The following CLNK variants were observed in gnomAD, a reference collection of about 807,000 sequenced individuals.
The protein encoded by CLNK is cytokine-dependent hematopoietic cell linker.
Under a neutral mutation model 68.6 loss-of-function variants are expected in CLNK, and 74 were observed. The ratio of observed to expected loss-of-function variants is 1.08; its 90% CI spans 0.89 to 1.31. The LOEUF (loss-of-function observed/expected upper bound fraction) is 1.31, where lower values mean the gene tolerates loss of function less well. Ranked by LOEUF, CLNK falls within the 50% of genes most tolerant of loss-of-function variation. CLNK has a pLI of 0.00. For missense variants in CLNK, 553 were observed against 515.3 expected (o/e 1.07, Z -0.71); for synonymous variants, 198 against 172.2 (o/e 1.15, Z -1.17).
At chr4:10,718,016 G>C in the CLNK span, among the ~76,000 whole-genome samples, 1 of 152,034 alleles carries the variant, frequency 6.6e-6, no homozygotes, top group Admixed American at 6.6e-5. Flanking sequence ...ATAGAAAATA[G>C]AATAAATAGA....
intron 1 of CLNK, among the ~76,000 whole-genome samples, chr4:10,683,155 A>T (rs1725153986): frequency 6.6e-6 from 1 of 152,212 alleles, no homozygotes; most frequent in South Asian, 2.1e-4. Context: ...AGGATCATAT[A>T]TGAAACAACA....
intron 4 of CLNK, among the ~76,000 whole-genome samples, chr4:10,572,130 G>A (rs898618386): frequency 1.3e-4 from 20 of 152,348 alleles, no homozygotes; most frequent in African/African-American, 4.6e-4. Flanking sequence ...GTCAGCAGCA[G>A]CTCAGCTAAT....
At chr4:10,662,445 A>G (rs137855945) in intron 2 of CLNK, among the ~76,000 whole-genome samples, 9 of 152,214 alleles carry the variant, frequency 5.9e-5, no homozygotes, top group African/African-American at 1.9e-4. Context: ...GTAGTGAAAC[A>G]TGTGATGGTT....
chr4:10,532,108 C>G (rs139180344), intron 12 of CLNK, 148 bp downstream of exon 12: 11 of 718,446 alleles, frequency 1.5e-5, no homozygotes, highest in Non-Finnish European at 2.5e-5. Flanking sequence ...GCTTTCTTAT[C>G]TTTAAAATAG....
At chr4:10,542,697 T>TAC (rs1490161099) in intron 8 of CLNK, among the ~76,000 whole-genome samples, 7 of 149,818 alleles carry the variant, frequency 4.7e-5, no homozygotes, top group South Asian at 2.1e-4. Flanking sequence ...TATATATATA[T>TAC]ACAATTCAAT....
intron 4 of CLNK, among the ~76,000 whole-genome samples, chr4:10,572,177 C>A (rs1172946399): frequency 6.6e-6 from 1 of 152,242 alleles, no homozygotes; most frequent in East Asian, 1.9e-4. Context: ...CCCCACAAGG[C>A]ACAGCATGTT....
At position 10,578,579 on chromosome 4, in the gene CLNK, C is replaced by CTTTTTTTTTTTTTTTTTTTTTTTTTT. The variant is rs5856062; in HGVS notation, c.112+6347_112+6348insAAAAAAAAAAAAAAAAAAAAAAAAAA. 3.4e-3 allele frequency among the ~76,000 whole-genome samples: 154 copies of CTTTTTTTTTTTTTTTTTTTTTTTTTT among 44,930 alleles called. 7 individuals are homozygous for CTTTTTTTTTTTTTTTTTTTTTTTTTT. Among genetic ancestry groups the CTTTTTTTTTTTTTTTTTTTTTTTTTT allele is most frequent in the Non-Finnish European group, 4.3e-3 (109 of 25,382 alleles). The allele number at this position is 44,930 out of a possible 152,430, so 29.5% of individuals were successfully genotyped here. ...TTCTCTTGGACTTGGCTTACCTTAT[C>CTTTTTTTTTTTTTTTTTTTTTTTTTT]TTTTTTTTTTTTTTTTTTTTTTTTT... On this transcript the variant is annotated intron_variant, in intron 4 of 18. Transcript: ENST00000226951.
At chr4:10,550,139 G>C (rs756199615) in intron 8 of CLNK, among the ~76,000 whole-genome samples, 1 of 152,200 alleles carries the variant, frequency 6.6e-6, no homozygotes, top group Non-Finnish European at 1.5e-5. Context: ...AGCTTGCAAT[G>C]GATGGTTGTT....
the CLNK span, among the ~76,000 whole-genome samples, chr4:10,710,207 A>C: frequency 6.6e-6 from 1 of 152,176 alleles, no homozygotes; most frequent in South Asian, 2.1e-4. Context: ...AAGTGCAGAG[A>C]TCTGGGCTCT....
rs869102696 is a variant in CLNK, at chr4:10,503,772, C to CT, written c.985-2362dup. 7.9e-5 allele frequency among the ~76,000 whole-genome samples: 5 copies of CT among 63,288 alleles called. 1 individual carries two copies. Among genetic ancestry groups the CT allele is most frequent in the African/African-American group, 2.8e-4 (5 of 17,946 alleles). The allele number at this position is 63,288 out of a possible 152,430, so 41.5% of individuals were successfully genotyped here. A position where few individuals can be genotyped will look rare whatever the true frequency, so the allele number is the denominator to read the frequency against. ...TTACACACATTGTTTCATTTAGAGACTTTTTTTTTTTTTTTTTTTTTTTTT... is the reference window on the plus strand; with the variant it reads ...TTACACACATTGTTTCATTTAGAGACTTTTTTTTTTTTTTTTTTTTTTTTTT... On this transcript the variant is annotated intron_variant, in intron 17 of 18. Transcript: ENST00000226951.
At chr4:10,513,649 G>C (rs1229103369) in intron 15 of CLNK, 52 bp from the exon 16 acceptor site, 1 of 1,525,260 alleles carries the variant, frequency 6.6e-7, no homozygotes, top group Non-Finnish European at 8.8e-7. Context: ...GGTGCAGTCT[G>C]TCCCCCACCT....
At chr4:10,641,128 C>T (rs772369393) in intron 2 of CLNK, among the ~76,000 whole-genome samples, 18 of 152,156 alleles carry the variant, frequency 1.2e-4, no homozygotes, top group Admixed American at 2.0e-4. Flanking sequence ...AGCATGATTT[C>T]GACCCTTAAG....
Position 10,667,886 on chromosome 4 carries a change from C to A in CLNK, c.-17G>T, listed in dbSNP as rs115837509. On this transcript the variant is annotated 5_prime_UTR_variant, in exon 2 of 19. Coordinates refer to ENST00000226951, the MANE Select transcript of CLNK (RefSeq NM_052964.4). The stretch of plus-strand genomic sequence containing the variant: ...CCTGTTCATAGTTCTTGGCACCTGG[C>A]GGGTAAGAGGGATCTTCAATTCAGC... 130 of 1,584,220 alleles carry A rather than the reference C, an allele frequency of 8.2e-5. 2 individuals carry two copies. The highest frequency in any genetic ancestry group is 1.7e-4 in the Middle Eastern group (1 of 5,978).
At chr4:10,605,108 AGTTTT>A (rs1230618374) in intron 2 of CLNK, among the ~76,000 whole-genome samples, 1 of 152,218 alleles carries the variant, frequency 6.6e-6, no homozygotes, top group Non-Finnish European at 1.5e-5. Context: ...TGTGGAATTT[AGTTTT>A]AAGACTACAA....
At chr4:10,538,381 G>A (rs746001432) in intron 11 of CLNK, among the ~76,000 whole-genome samples, 4 of 152,188 alleles carry the variant, frequency 2.6e-5, no homozygotes, top group Non-Finnish European at 4.4e-5. Context: ...CGCCTGCCTC[G>A]GTCTCCCAAA....
upstream of CLNK, among the ~76,000 whole-genome samples, chr4:10,685,963 G>C (rs1725255175): frequency 6.6e-6 from 1 of 152,114 alleles, no homozygotes; most frequent in South Asian, 2.1e-4. Context: ...CTTTTGGTCT[G>C]GACCCATATT....
At chr4:10,557,030 C>T (rs1719698545) in intron 8 of CLNK, among the ~76,000 whole-genome samples, 2 of 151,774 alleles carry the variant, frequency 1.3e-5, no homozygotes, top group South Asian at 4.2e-4. Context: ...GAGCCAAGAT[C>T]ACGCCACTGC....
chr4:10,697,969 G>A, the CLNK span, among the ~76,000 whole-genome samples: 1 of 152,140 alleles, frequency 6.6e-6, no homozygotes, highest in Non-Finnish European at 1.5e-5. Context: ...GAACCATGAA[G>A]ACCAGAACAG....
chr4:10,617,469 G>A (rs985293760), intron 2 of CLNK, among the ~76,000 whole-genome samples: 7 of 152,150 alleles, frequency 4.6e-5, no homozygotes, highest in Non-Finnish European at 1.0e-4. Context: ...TGTAAGGTAT[G>A]GATTTCTCAC....
Sources: gnomAD v4.1 joint callset for allele counts (sites outside exome capture counted in the v4.1 genomes callset) on GRCh38, gnomAD v4.1.1 for gene constraint, MANE v1.5 for transcripts, NCBI Gene and HGNC (gene_info 2026-07-23, HGNC 2026-07-21) for gene names.